Variants in ROBO2 observed in about 807,000 individuals in gnomAD.
ROBO2 encodes the protein roundabout homolog 2.
In ROBO2, 53 loss-of-function variants were observed where a neutral mutation model predicts 160.8. That is an observed-to-expected ratio of 0.33 (90% CI 0.26 to 0.41). The LOEUF is 0.41. Ranked by LOEUF, ROBO2 falls within the 10% of genes least tolerant of loss-of-function variation. The pLI, the probability that ROBO2 is intolerant of heterozygous loss-of-function variation, is 1.00. For missense variants in ROBO2, 1,577 were observed against 1,722.4 expected (o/e 0.92, Z 1.49); for synonymous variants, 664 against 611.7 (o/e 1.09, Z -1.26).
At chr3:76,588,759 A>G (rs1248449129) in intron 2 of ROBO2, among the ~76,000 whole-genome samples, 1 of 152,220 alleles carries the variant, frequency 6.6e-6, no homozygotes, top group African/African-American at 2.4e-5. Context: ...TAATTTGATT[A>G]CCTAGAATTG....
intron 1 of ROBO2, among the ~76,000 whole-genome samples, chr3:75,932,944 A>G (rs1305946945): frequency 1.3e-5 from 2 of 152,164 alleles, no homozygotes; most frequent in Admixed American, 6.5e-5. Context: ...TGTTATATCT[A>G]TATATACAAT....
intron 2 of ROBO2, among the ~76,000 whole-genome samples, chr3:76,724,868 C>G (rs1393312294): frequency 6.6e-6 from 1 of 152,080 alleles, no homozygotes; most frequent in African/African-American, 2.4e-5. Flanking sequence ...ACGAGAGAGG[C>G]AGGGGAGGAT....
chr3:76,532,172 T>A (rs1373786709), intron 2 of ROBO2, among the ~76,000 whole-genome samples: 1 of 152,230 alleles, frequency 6.6e-6, no homozygotes, highest in Non-Finnish European at 1.5e-5. Context: ...CTCCTTTTCT[T>A]CTCTGCAATA....
chr3:77,588,834 A>G, exon 17 of ROBO2: 1 of 1,613,600 alleles, frequency 6.2e-7, no homozygotes, highest in Non-Finnish European at 8.5e-7. Context: ...ACCAGCCTTT[A>G]TAGCTGGTAT....
intron 2 of ROBO2, among the ~76,000 whole-genome samples, chr3:77,224,624 T>G (rs1057377599): frequency 4.6e-5 from 7 of 151,796 alleles, no homozygotes; most frequent in African/African-American, 1.7e-4. Context: ...ATTGTGTGTG[T>G]TTCTTTGTTT....
intron 2 of ROBO2, among the ~76,000 whole-genome samples, chr3:76,398,719 C>G (rs1263105354): frequency 6.6e-6 from 1 of 151,436 alleles, no homozygotes; most frequent in Non-Finnish European, 1.5e-5. Context: ...ATATTCTAAA[C>G]TAAATATACT....
exon 1 of ROBO2, chr3:77,040,166 A>G (rs1228814213): frequency 1.0e-6 from 1 of 984,948 alleles, no homozygotes; most frequent in African/African-American, 1.8e-5. Flanking sequence ...GAAACCGGAG[A>G]GGTGGAGGGA....
chr3:77,297,767 A>T (rs2153408340), intron 2 of ROBO2, among the ~76,000 whole-genome samples: 1 of 152,324 alleles, frequency 6.6e-6, no homozygotes, highest in Non-Finnish European at 1.5e-5. Flanking sequence ...TTTTACATTT[A>T]ACGGAAGAAG....
At chr3:77,491,853 T>C (rs552549525) in intron 4 of ROBO2, among the ~76,000 whole-genome samples, 99 of 152,318 alleles carry the variant, frequency 6.5e-4, no homozygotes, top group Non-Finnish European at 1.1e-3. Context: ...TCAAATTCTC[T>C]GGAGATATAC....
intron 2 of ROBO2, among the ~76,000 whole-genome samples, chr3:76,656,600 T>C (rs1245136049): frequency 6.6e-6 from 1 of 152,152 alleles, no homozygotes; most frequent in African/African-American, 2.4e-5. Flanking sequence ...TTATGGGCAC[T>C]TGTAAGGTTC....
At chr3:77,433,480 C>T (rs1350659618) in intron 2 of ROBO2, among the ~76,000 whole-genome samples, 5 of 81,740 alleles carry the variant, frequency 6.1e-5, no homozygotes, top group African/African-American at 2.2e-4. Context: ...TCTTCTCTGG[C>T]AACTTGTATA....
At chr3:77,406,209 A>G (rs2076240372) in intron 2 of ROBO2, among the ~76,000 whole-genome samples, 1 of 152,096 alleles carries the variant, frequency 6.6e-6, no homozygotes, top group Admixed American at 6.6e-5. Context: ...TCTCCTGAGA[A>G]CTCACTCACT....
chr3:76,514,239 T>G (rs558817202), intron 2 of ROBO2, among the ~76,000 whole-genome samples: 2 of 152,284 alleles, frequency 1.3e-5, no homozygotes, highest in East Asian at 3.9e-4. Context: ...TGAGAGTGAT[T>G]TCTAGATGTT....
At chr3:76,741,534 A>G (rs1467380754) in intron 2 of ROBO2, among the ~76,000 whole-genome samples, 1 of 152,066 alleles carries the variant, frequency 6.6e-6, no homozygotes, top group Admixed American at 6.6e-5. Context: ...AGTGGACTGC[A>G]AGGTTAACAC....
chr3:77,235,909 T>C lies in ROBO2; in HGVS notation c.388+137569T>C, dbSNP rs144699050. 1.4e-3 allele frequency among the ~76,000 whole-genome samples: 215 copies of C among 152,360 alleles called. 1 individual carries two copies. The highest frequency in any genetic ancestry group is 5.0e-3 in the African/African-American group (208 of 41,590). ...GACGTGGTACATTTGTTACAACTGA[T>C]GGACTTACATTGACAAATCATTTTC... On this transcript the variant is annotated intron_variant, in intron 2 of 25. Coordinates refer to ENST00000461745, the Ensembl canonical transcript of ROBO2.
At chr3:77,247,497 T>C (rs945399344) in intron 2 of ROBO2, among the ~76,000 whole-genome samples, 1 of 152,186 alleles carries the variant, frequency 6.6e-6, no homozygotes, top group East Asian at 1.9e-4. Context: ...CTGAGAGTGA[T>C]TCCATATTCA....
At chr3:75,956,713 T>C (rs746885717) in intron 2 of ROBO2, among the ~76,000 whole-genome samples, 6 of 151,742 alleles carry the variant, frequency 4.0e-5, no homozygotes, top group Non-Finnish European at 7.4e-5. Context: ...GACCAAAATG[T>C]AAGTGTCATG....
intron 2 of ROBO2, among the ~76,000 whole-genome samples, chr3:76,005,277 A>G (rs944828777): frequency 6.6e-6 from 1 of 152,246 alleles, no homozygotes; most frequent in Non-Finnish European, 1.5e-5. Context: ...TTGAATGAGC[A>G]CTGAGTCCCT....
At chr3:76,281,985 G>A (rs1268729982) in intron 2 of ROBO2, among the ~76,000 whole-genome samples, 1 of 151,982 alleles carries the variant, frequency 6.6e-6, no homozygotes, top group Non-Finnish European at 1.5e-5. Flanking sequence ...CTGTTTGAAA[G>A]CTCTTCAAGA....
Sources: allele counts gnomAD v4.1 joint callset (sites outside exome capture counted in the v4.1 genomes callset), GRCh38; gene constraint gnomAD v4.1.1; transcripts MANE v1.5; gene names NCBI Gene and HGNC (gene_info 2026-07-23, HGNC 2026-07-21).